The following INPPL1 variants were observed in gnomAD, a reference collection of about 807,000 sequenced individuals.
The protein encoded by INPPL1 is phosphatidylinositol 3,4,5-trisphosphate 5-phosphatase 2.
A neutral mutation model predicts 139.3 loss-of-function variants in INPPL1; 91 were observed. The observed-to-expected ratio is 0.65, with a 90% CI of 0.55 to 0.78. The LOEUF is 0.78. Ranked by LOEUF, INPPL1 falls within the 30% of genes least tolerant of loss-of-function variation. INPPL1 has a pLI of 0.00. For synonymous variants in INPPL1, 719 were observed against 686.6 expected (o/e 1.05, Z -0.74); for missense variants, 1,411 against 1,665.6 (o/e 0.85, Z 2.66).
Position 72,237,492 on chromosome 11 carries a change from CTGA to C in INPPL1, c.3249_3251del (p.Glu1084del). On this transcript the variant is annotated inframe_deletion, in exon 26 of 28. Transcript: ENST00000298229. ...CCAGTGGTCCGGGGCCGTGGTGGGG[CTGA>C]GGCCCGTGGCCCACCACCTCCCAAG... is the stretch of plus-strand genomic sequence containing the variant. 1 of 1,609,318 alleles carries C rather than the reference CTGA, an allele frequency of 6.2e-7. No homozygotes were observed. Among genetic ancestry groups the C allele is most frequent in the Non-Finnish European group, 8.5e-7 (1 of 1,177,260 alleles).
chr11:72,231,504 A>C lies in INPPL1; in HGVS notation c.1504A>C (p.Met502Leu), dbSNP rs996859031. 1.2e-6 allele frequency: 2 copies of C among 1,610,288 alleles called. No homozygotes were observed. The highest frequency in any genetic ancestry group is 1.7e-5 in the Admixed American group (1 of 59,998). ...CCATGCACTCTCTACCCAGATTGCC[A>C]TGCAATCACTGTGGAATATCAAGGT... ...LTDLDYRPIA[M>L]QSLWNIKVAV... The change falls in exon 13 of 28, where the codon ATG (methionine) becomes CTG (leucine). Residue 502 changes from methionine (M) to leucine (L), a missense_variant. Met to Leu is a conservative substitution (Grantham distance 15). Around this residue, in one of 5 missense-constraint regions of INPPL1, gnomAD observed 363 missense variants for 446.2 expected, o/e 0.81. Transcript: ENST00000298229.
In INPPL1 at chr11:72,234,663, G is replaced by T. The variant is rs769801713; in HGVS notation, c.2415+48G>T. On this transcript the variant is annotated intron_variant, in intron 21 of 27. Transcript: ENST00000298229. This position sits in a 1 kb window ranked among gnomAD's most constrained non-coding sequence, Gnocchi z 4.2. The stretch of plus-strand genomic sequence containing the variant: ...TGCTTATGGGTGAGGGCACAGAGAG[G>T]GGTACATAAGAGTTTATTGGAGAGC... The T allele has an allele frequency of 7.3e-7, 1 of 1,376,586 alleles. No individual in the cohort carries two copies. Among genetic ancestry groups the T allele is most frequent in the South Asian group, 1.2e-5 (1 of 85,292 alleles). 85.3% of individuals were successfully genotyped at this position (1,376,586 alleles called of 1,614,324 possible).
chr11:72,234,434 A>G lies in INPPL1; in HGVS notation c.2326+40A>G, dbSNP rs1302468982. 1 of 1,597,996 alleles carries G rather than the reference A, an allele frequency of 6.3e-7. No individual in the cohort carries two copies. The highest frequency in any genetic ancestry group is 1.3e-5 in the African/African-American group (1 of 74,358). The stretch of plus-strand genomic sequence containing the variant: ...AGGGGCTGGGTGTGGGCCAAGGAGG[A>G]TGGGAGGCAAGAGGGTGCAGTCAGC... On this transcript the variant is annotated intron_variant, in intron 20 of 27. Transcript: ENST00000298229. The surrounding 1 kb of genome is among the most constrained non-coding windows in gnomAD (Gnocchi z 4.2).
rs1038758771 is a variant in INPPL1 at position 72,228,993 on chromosome 11, C to T, written c.519-97C>T. 113 of 1,528,544 alleles carry T rather than the reference C, an allele frequency of 7.4e-5. No homozygotes were observed. Among genetic ancestry groups the T allele is most frequent in the Non-Finnish European group, 9.7e-5 (110 of 1,136,442 alleles). 94.7% of individuals were successfully genotyped at this position (1,528,544 alleles called of 1,614,324 possible). Reference sequence around the variant, plus strand: ...GAGGCAGATAACCTGATCCATCCCGCCCTGGTTGCCACAGGTACTATCTCC... The same window carrying T: ...GAGGCAGATAACCTGATCCATCCCGTCCTGGTTGCCACAGGTACTATCTCC... On this transcript the variant is annotated intron_variant, in intron 4 of 27. Coordinates refer to ENST00000298229, the MANE Select transcript of INPPL1 (RefSeq NM_001567.4). The surrounding 1 kb of genome is among the most constrained non-coding windows in gnomAD (Gnocchi z 5.0).
intron 19 of INPPL1, 101 bp downstream of exon 19, chr11:72,233,845 GGT>G (rs1948905921): frequency 3.3e-6 from 3 of 911,646 alleles, no homozygotes; most frequent in Admixed American, 1.8e-5. Flanking sequence ...TGTGTGTGTG[GGT>G]GTGTGTACCA....
chr11:72,225,622 T>G, intron 1 of INPPL1: 1 of 729,498 alleles, frequency 1.4e-6, no homozygotes, highest in Non-Finnish European at 1.7e-6. Context: ...CCCCTTTCGG[T>G]GCTTTGGGGT....
chr11:72,232,713 A>C lies in INPPL1; in HGVS notation c.1800A>C (p.Thr600=). ...LNAFDISLRF[T]HLFWFGDLNY... is the part of the protein sequence containing the mutation. ...CCTTTGACATCTCTCTGCGTTTCACACACCTCTTCTGGTTTGGGGACCTCA... is the reference window on the plus strand; with the variant it reads ...CCTTTGACATCTCTCTGCGTTTCACCCACCTCTTCTGGTTTGGGGACCTCA... The change falls in exon 15 of 28, where the codon ACA becomes ACC. Residue 600 remains threonine, a synonymous_variant. Transcript: ENST00000298229. 1 of 1,613,244 alleles carries C rather than the reference A, an allele frequency of 6.2e-7. No individual in the cohort carries two copies. Among genetic ancestry groups the C allele is most frequent in the South Asian group, 1.1e-5 (1 of 91,004 alleles).
chr11:72,226,040 GTTATTTAGATCT>G (rs752572993), intron 1 of INPPL1, among the ~76,000 whole-genome samples: 54 of 152,160 alleles, frequency 3.5e-4, no homozygotes, highest in Non-Finnish European at 6.5e-4. Flanking sequence ...ATTTAGATCA[GTTATTTAGATCT>G]TTATTTAGAT....
intron 13 of INPPL1, 119 bp from the exon 14 acceptor site, chr11:72,232,121 T>C: frequency 1.2e-6 from 1 of 804,370 alleles, no homozygotes; most frequent in African/African-American, 1.7e-5. Flanking sequence ...CCTGCCCATG[T>C]CACAGCGTCT....
At chr11:72,224,272 C>A (rs1313310871), upstream of INPPL1, among the ~76,000 whole-genome samples, 1 of 149,302 alleles carries the variant, frequency 6.7e-6, no homozygotes, top group Non-Finnish European at 1.5e-5. Context: ...GGGTTCAGAT[C>A]TAAGAGGGGG....
Position 72,234,335 on chromosome 11 carries a change from T to C in INPPL1, c.2267T>C (p.Ile756Thr), listed in dbSNP as rs943711085. The change falls in exon 20 of 28, where the codon ATT becomes ACT. Residue 756 changes from isoleucine to threonine, a missense_variant. Ile to Thr is a moderately conservative substitution (Grantham distance 89). Around this residue, in one of 5 missense-constraint regions of INPPL1, gnomAD observed 363 missense variants for 446.2 expected, o/e 0.81. Coordinates refer to ENST00000298229, the MANE Select transcript of INPPL1 (RefSeq NM_001567.4). This position sits in a 1 kb window ranked among gnomAD's most constrained non-coding sequence, Gnocchi z 4.2. ...ATTGAGTTTGAGAGCATCGAGGCCA[T>C]TGTGAAGACAGCCAGCCGCACCAAG... ...AYIEFESIEA[I>T]VKTASRTKFF... 1.2e-6 allele frequency: 2 copies of C among 1,614,028 alleles called. No individual in the cohort carries two copies. Among genetic ancestry groups the C allele is most frequent in the Non-Finnish European group, 1.7e-6 (2 of 1,180,028 alleles).
chr11:72,237,130 G>A lies in INPPL1; in HGVS notation c.2886G>A (p.Lys962=). Residue 962 remains lysine (K), a synonymous_variant, in exon 26 of 28, where the codon AAG becomes AAA. Transcript: ENST00000298229. ...GTTCTGCTTCCACACCCAGGTTGAA[G>A]CCAGAGGGAGCTCCTGAACCAGAAG... ...PREEPLTPRL[K]PEGAPEPEGV... is the part of the protein sequence containing the mutation. 1 of 1,583,242 alleles carries A rather than the reference G, an allele frequency of 6.3e-7. No individual in the cohort carries two copies. Among genetic ancestry groups the A allele is most frequent in the East Asian group, 2.3e-5 (1 of 44,422 alleles).
At position 72,238,524 on chromosome 11, in the gene INPPL1, GC is replaced by G. The variant is rs1949068045; in HGVS notation, c.*174del. 1.7e-5 allele frequency: 9 copies of G among 535,798 alleles called. No individual in the cohort carries two copies. The East Asian group carries it at 2.4e-4, about 14-fold the overall frequency. The allele number at this position is 535,798 out of a possible 1,614,324, so 33.2% of individuals were successfully genotyped here. A position where few individuals can be genotyped will look rare whatever the true frequency, so the allele number is the denominator to read the frequency against. ...TCCCCGCTGCCCAATCATTTGCAAT[GC>G]CCTAATTAGGGCATCCTGCCCCTCG... On this transcript the variant is annotated 3_prime_UTR_variant, in exon 28 of 28. Transcript: ENST00000298229.
chr11:72,228,536 C>T lies in INPPL1; in HGVS notation c.397+38C>T, dbSNP rs200615694. ...GTGCAGGTCCCCTCCCTGCCCCTGT[C>T]CCTTGGCTCTACCTGCCTCTTCCCA... On this transcript the variant is annotated intron_variant, in intron 3 of 27. Transcript: ENST00000298229. The surrounding 1 kb of genome is among the most constrained non-coding windows in gnomAD (Gnocchi z 5.0). The T allele has an allele frequency of 3.3e-5, 52 of 1,596,666 alleles. No homozygotes were observed. Among genetic ancestry groups the T allele is most frequent in the Non-Finnish European group, 4.2e-5 (50 of 1,176,642 alleles).
In INPPL1 at chr11:72,233,145, C is replaced by T. The variant is rs1430018287; in HGVS notation, c.2022C>T (p.His674=). 1 of 1,613,798 alleles carries T rather than the reference C, an allele frequency of 6.2e-7. No individual in the cohort carries two copies. Among genetic ancestry groups the T allele is most frequent in the East Asian group, 2.2e-5 (1 of 44,886 alleles). Reference sequence around the variant, plus strand: ...GTTCCCGGGACACATATGCCTGGCACAAGCAGAAGCCAACTGGGGTGAGCC... The same window carrying T: ...GTTCCCGGGACACATATGCCTGGCATAAGCAGAAGCCAACTGGGGTGAGCC... The part of the protein sequence containing the change: ...ERGSRDTYAW[H]KQKPTGVRTN... The change falls in exon 17 of 28, where the codon CAC becomes CAT. Residue 674 remains histidine, a synonymous_variant. Transcript: ENST00000298229.
chr11:72,227,035 A>ATCAGACGTGGGCGC (rs1406459065), intron 1 of INPPL1, among the ~76,000 whole-genome samples: 2 of 152,110 alleles, frequency 1.3e-5, no homozygotes, highest in African/African-American at 4.8e-5. Context: ...GACGTGGGCG[A>ATCAGACGTGGGCGC]TCAGACGTGG....
chr11:72,233,623 C>T (rs1006488), intron 18 of INPPL1, 32 bp from the exon 19 acceptor site: 45,059 of 1,607,266 alleles, frequency 0.028, 740 homozygotes, highest in Middle Eastern at 0.05. Flanking sequence ...GAATATTCCC[C>T]CTGAGTCCCC....
chr11:72,231,092 A>G lies in INPPL1; in HGVS notation c.1400A>G (p.Tyr467Cys). ...ACAGTGACCATACCCCATGACATCT[A>G]TGTCTTTGGGACCCAGGAGAACTCA... is the stretch of plus-strand genomic sequence containing the variant. ...EVTVTIPHDI[Y>C]VFGTQENSVG... Residue 467 changes from tyrosine (Y) to cysteine (C), a missense_variant, in exon 12 of 28, where the codon TAT (tyrosine) becomes TGT (cysteine). Tyr to Cys is a radical substitution (Grantham distance 194, BLOSUM62 -2). This residue lies in a region of INPPL1 where 7 missense variants were observed against 26.5 expected (regional missense o/e 0.26). Coordinates refer to ENST00000298229, the MANE Select transcript of INPPL1 (RefSeq NM_001567.4). 1 of 1,614,046 alleles carries G rather than the reference A, an allele frequency of 6.2e-7. No individual in the cohort carries two copies. Among genetic ancestry groups the G allele is most frequent in the Non-Finnish European group, 8.5e-7 (1 of 1,180,006 alleles).
chr11:72,229,177 C>T lies in INPPL1; in HGVS notation c.606C>T (p.Ser202=). The change falls in exon 5 of 28, where the codon AGC becomes AGT. Residue 202 remains serine, a synonymous_variant. Transcript: ENST00000298229. ...LDLEAVRGGA[S]HLPHLTRTLA... ...TGGAAGCTGTGAGGGGTGGAGCCAG[C>T]CACCTGCCCCACCTCACCCGTACCC... is the stretch of plus-strand genomic sequence containing the variant. The T allele has an allele frequency of 1.2e-6, 2 of 1,613,620 alleles. No homozygotes were observed. Among genetic ancestry groups the T allele is most frequent in the Non-Finnish European group, 1.7e-6 (2 of 1,179,854 alleles).
Sources: allele counts gnomAD v4.1 joint callset (sites outside exome capture counted in the v4.1 genomes callset), GRCh38; gene constraint gnomAD v4.1.1; regional missense constraint gnomAD v4.1.1; non-coding constraint Gnocchi (gnomAD v3.1); transcripts MANE v1.5; gene names NCBI Gene and HGNC (gene_info 2026-07-23, HGNC 2026-07-21).